RIMBP2: variants seen among roughly 807,000 people sequenced by gnomAD.
RIMBP2 encodes RIMS-binding protein 2.
RIMBP2 carries 48 observed loss-of-function variants against 118.6 expected under a neutral mutation model. The observed-to-expected ratio is 0.40, with a 90% CI of 0.32 to 0.51. The LOEUF is 0.51. Among genes scored for constraint, RIMBP2 ranks in the 20% least tolerant of loss-of-function variants. The pLI is 0.41. For synonymous variants in RIMBP2, 762 were observed against 742.9 expected, an observed-to-expected ratio of 1.03 and a Z score of -0.42; for missense variants, 1,551 against 1,768.3, an observed-to-expected ratio of 0.88 and a Z score of 2.20.
At chr12:130,471,063 T>C (rs964528736) in intron 5 of RIMBP2, among the ~76,000 whole-genome samples, 1 of 152,208 alleles carries the variant, frequency 6.6e-6, no homozygotes, top group African/African-American at 2.4e-5. Flanking sequence ...TCCGACGAAC[T>C]GCTTTGGAAA....
rs1410142077 is a variant in RIMBP2 at position 130,620,534 on chromosome 12, A to C, written c.-217+7788T>G. On this transcript the variant is annotated intron_variant, in intron 2 of 22. Coordinates refer to ENST00000690449, the MANE Select transcript of RIMBP2 (RefSeq NM_001393629.1). This position sits in a 1 kb window ranked among gnomAD's most constrained non-coding sequence, Gnocchi z 5.3. ...GAAGAACAGGCATGCACGGCCCCAC[A>C]GTCCCAGGGGCCAGATGCCCAAGCT... 1.3e-5 allele frequency among the ~76,000 whole-genome samples: 2 copies of C among 152,188 alleles called. No individual in the cohort carries two copies. The highest frequency in any genetic ancestry group is 2.9e-5 in the Non-Finnish European group (2 of 68,036).
chr12:130,595,878 G>A (rs1368418156), intron 2 of RIMBP2, among the ~76,000 whole-genome samples: 7 of 152,196 alleles, frequency 4.6e-5, no homozygotes, highest in East Asian at 3.8e-4. Context: ...GCTTAAAGGC[G>A]GAAGGACTCA....
intron 1 of RIMBP2, among the ~76,000 whole-genome samples, chr12:130,694,150 C>T (rs989107111): frequency 6.6e-6 from 1 of 152,204 alleles, no homozygotes; most frequent in Non-Finnish European, 1.5e-5. Context: ...TGGTGAATGC[C>T]AGCTGTGTGC....
rs74721783 is a variant in RIMBP2 at position 130,418,394 on chromosome 12, T to C, written c.3238+4059A>G. 8.6e-3 allele frequency among the ~76,000 whole-genome samples: 1,303 copies of C among 152,318 alleles called. 29 individuals carry two copies. Among genetic ancestry groups the C allele is most frequent in the African/African-American group, 0.029 (1,213 of 41,566 alleles). ...AGAATGTGAAGCGCTCCATGGCCTC[T>C]ACAACAGGCACAGCTGTGCAGCCCC... On this transcript the variant is annotated intron_variant, in intron 17 of 22. Transcript: ENST00000690449.
At chr12:130,401,485 G>A (rs1438852758) in intron 21 of RIMBP2, among the ~76,000 whole-genome samples, 1 of 151,828 alleles carries the variant, frequency 6.6e-6, no homozygotes, top group Non-Finnish European at 1.5e-5. Flanking sequence ...CATACTTCCT[G>A]CATCTTCCTG....
intron 6 of RIMBP2, 83 bp from the exon 7 acceptor site, chr12:130,456,783 G>A (rs370217670): frequency 4.1e-5 from 42 of 1,024,286 alleles, no homozygotes; most frequent in African/African-American, 2.4e-4. Context: ...TGTGTTGTAC[G>A]TGTGCACATG....
intron 2 of RIMBP2, among the ~76,000 whole-genome samples, chr12:130,544,149 A>G (rs2054876413): frequency 6.6e-6 from 1 of 152,140 alleles, no homozygotes; most frequent in African/African-American, 2.4e-5. Flanking sequence ...CCTATCTGTA[A>G]GGCTTTTTGA....
intron 1 of RIMBP2, among the ~76,000 whole-genome samples, chr12:130,680,165 A>C (rs2136540670): frequency 6.6e-6 from 1 of 152,402 alleles, no homozygotes; most frequent in African/African-American, 2.4e-5. Flanking sequence ...AGAGAAAACT[A>C]GTCCAACTTC....
rs377474816 is a variant in RIMBP2, at chr12:130,442,200, G to A, written c.1152C>T (p.Ser384=). The A allele has an allele frequency of 9.9e-5, 159 of 1,614,078 alleles. No individual in the cohort carries two copies. The highest frequency in any genetic ancestry group is 4.7e-4 in the South Asian group (43 of 91,086). ...TGCCCCTGCTGGTGACGCACTGCACGGAGATGCGGTAGGTGCAGGCTGCCA... is the reference window on the plus strand; with the variant it reads ...TGCCCCTGCTGGTGACGCACTGCACAGAGATGCGGTAGGTGCAGGCTGCCA... ...LNMAACTYRI[S]VQCVTSRGSS... Residue 384 remains serine, a synonymous_variant, in exon 11 of 23, where the codon TCC becomes TCT. Transcript: ENST00000690449. This position sits in a 1 kb window ranked among gnomAD's most constrained non-coding sequence, Gnocchi z 6.9.
chr12:130,495,458 G>A (rs1331864394), intron 4 of RIMBP2, among the ~76,000 whole-genome samples: 1 of 152,190 alleles, frequency 6.6e-6, no homozygotes, highest in Non-Finnish European at 1.5e-5. Context: ...CATGTGCAGG[G>A]TGCCCTGCGC....
rs141882196 is a variant in RIMBP2, at chr12:130,655,228, C to T, written c.-351-26772G>A. On this transcript the variant is annotated intron_variant, in intron 1 of 22. Transcript: ENST00000690449. The stretch of plus-strand genomic sequence containing the variant: ...CAAAGGCCTCTCCAGCGTGTAACAT[C>T]GCCCCACCCTGCCAGCCAGCATTAC... 1.1e-3 allele frequency among the ~76,000 whole-genome samples: 175 copies of T among 152,338 alleles called. 1 individual carries two copies. Among genetic ancestry groups the T allele is most frequent in the African/African-American group, 3.8e-3 (158 of 41,576 alleles).
chr12:130,676,884 G>A (rs2064515127), intron 1 of RIMBP2, among the ~76,000 whole-genome samples: 2 of 152,138 alleles, frequency 1.3e-5, no homozygotes, highest in South Asian at 4.1e-4. Context: ...AAGCCTGCCA[G>A]GGGACAGGAG....
chr12:130,675,988 C>T (rs892079608), intron 1 of RIMBP2, among the ~76,000 whole-genome samples: 6 of 152,204 alleles, frequency 3.9e-5, no homozygotes, highest in Admixed American at 6.5e-5. Flanking sequence ...CATTAGCGCG[C>T]CATAAGGGGC....
intron 1 of RIMBP2, among the ~76,000 whole-genome samples, chr12:130,655,900 A>C (rs536017130): frequency 6.6e-6 from 1 of 152,344 alleles, no homozygotes; most frequent in South Asian, 2.1e-4. Context: ...AGCCCATGGC[A>C]GAGGAGACAA....
chr12:130,578,775 G>T lies in RIMBP2; in HGVS notation c.-217+49547C>A, dbSNP rs774061401. Among the ~76,000 whole-genome samples, 20 of 152,238 alleles carry T rather than the reference G, an allele frequency of 1.3e-4. No individual in the cohort carries two copies. The highest frequency in any genetic ancestry group is 2.1e-4 in the South Asian group (1 of 4,812). On this transcript the variant is annotated intron_variant, in intron 2 of 22. Coordinates refer to ENST00000690449, the MANE Select transcript of RIMBP2 (RefSeq NM_001393629.1). This position sits in a 1 kb window ranked among gnomAD's most constrained non-coding sequence, Gnocchi z 4.1. Reference sequence around the variant, plus strand: ...ACTGCACGCTCCACTATCTGAAGTCGCAGGTCCTCATCTGGAGCCCTAGGG... The same window carrying T: ...ACTGCACGCTCCACTATCTGAAGTCTCAGGTCCTCATCTGGAGCCCTAGGG...
At chr12:130,630,968 T>C (rs773296285) in intron 1 of RIMBP2, among the ~76,000 whole-genome samples, 15 of 150,176 alleles carry the variant, frequency 1.0e-4, no homozygotes, top group Non-Finnish European at 1.9e-4. Flanking sequence ...AAAAAAAAGA[T>C]AAAAGGGAAA....
rs1221101942 is a variant in RIMBP2 at position 130,535,746 on chromosome 12, T to TACAC, written c.-216-17830_-216-17829insGTGT. On this transcript the variant is annotated intron_variant, in intron 2 of 22. Transcript: ENST00000690449. ...ATATATACATATATATACATATATA[T>TACAC]ATATATATATATATATATATATATA... Among the ~76,000 whole-genome samples the TACAC allele has an allele frequency of 2.9e-3, 162 of 54,998 alleles. 2 individuals carry two copies. The highest frequency in any genetic ancestry group is 6.8e-3 in the African/African-American group (149 of 21,962). The allele number at this position is 54,998 out of a possible 152,430, so 36.1% of individuals were successfully genotyped here. A position where few individuals can be genotyped will look rare whatever the true frequency, so the allele number is the denominator to read the frequency against.
At chr12:130,610,136 CT>C (rs1318657926) in intron 2 of RIMBP2, among the ~76,000 whole-genome samples, 2 of 149,132 alleles carry the variant, frequency 1.3e-5, no homozygotes, top group African/African-American at 5.0e-5. Context: ...CCCTCCCGTT[CT>C]GGGGGAAAAT....
rs570552478 is a variant in RIMBP2 at position 130,491,890 on chromosome 12, G to A, written c.-3-12874C>T. 2.6e-5 allele frequency among the ~76,000 whole-genome samples: 4 copies of A among 152,300 alleles called. No homozygotes were observed. The South Asian group carries it at 6.2e-4, about 24-fold the overall frequency. ...GCAGCGATATTTATAGCTGACTGTC[G>A]ACATTCACGCCAGCACTTAAGCTGC... On this transcript the variant is annotated intron_variant, in intron 4 of 22. Transcript: ENST00000690449.
Sources: gnomAD v4.1 joint callset for allele counts (sites outside exome capture counted in the v4.1 genomes callset) on GRCh38, gnomAD v4.1.1 for gene constraint, Gnocchi (gnomAD v3.1) non-coding constraint, MANE v1.5 for transcripts, NCBI Gene and HGNC (gene_info 2026-07-23, HGNC 2026-07-21) for gene names.